Variants in COL25A1 observed in about 807,000 individuals in gnomAD.
The protein encoded by COL25A1 is collagen type XXV alpha 1 chain, also known as collagen alpha-1(XXV) chain.
A neutral mutation model predicts 128.4 loss-of-function variants in COL25A1; 103 were observed. That is an observed-to-expected ratio of 0.80 (90% CI 0.68 to 0.94). The LOEUF (loss-of-function observed/expected upper bound fraction) is 0.94, where lower values mean the gene tolerates loss of function less well. COL25A1 is among the 40% of genes least tolerant of loss of function. The pLI is 0.00. For synonymous variants in COL25A1, 279 were observed against 277.2 expected, an observed-to-expected ratio of 1.01 and a Z score of -0.06; for missense variants, 745 against 840.0, an observed-to-expected ratio of 0.89 and a Z score of 1.40.
intron 8 of COL25A1, among the ~76,000 whole-genome samples, chr4:108,966,110 G>A (rs553657520): frequency 2.0e-5 from 3 of 152,110 alleles, no homozygotes; most frequent in Non-Finnish European, 2.9e-5. Flanking sequence ...TCCTTGGAGG[G>A]GGGCCAACAT....
intron 3 of COL25A1, among the ~76,000 whole-genome samples, chr4:109,243,311 T>G (rs764997842): frequency 6.6e-6 from 1 of 151,982 alleles, no homozygotes; most frequent in Non-Finnish European, 1.5e-5. Flanking sequence ...AATGGTTCTG[T>G]AAACTTGGAA....
intron 3 of COL25A1, among the ~76,000 whole-genome samples, chr4:109,066,468 A>G (rs1762457340): frequency 6.6e-6 from 1 of 152,214 alleles, no homozygotes; most frequent in Non-Finnish European, 1.5e-5. Flanking sequence ...CTCCATCATC[A>G]TTACAGCACA....
At chr4:109,135,024 CAAAAAAA>C (rs574984369) in intron 3 of COL25A1, among the ~76,000 whole-genome samples, 10 of 100,730 alleles carry the variant, frequency 9.9e-5, no homozygotes, top group African/African-American at 2.3e-4. Context: ...ACTTTTCTGT[CAAAAAAA>C]AAAAAAAAAA....
At chr4:108,880,535 A>G (rs1739993379) in intron 19 of COL25A1, among the ~76,000 whole-genome samples, 1 of 152,258 alleles carries the variant, frequency 6.6e-6, no homozygotes. Flanking sequence ...CCCAAAAGAA[A>G]GAGATAACAA....
intron 3 of COL25A1, among the ~76,000 whole-genome samples, chr4:109,286,470 GTT>G (rs1723901971): frequency 6.6e-6 from 1 of 152,084 alleles, no homozygotes; most frequent in Non-Finnish European, 1.5e-5. Flanking sequence ...TATCCTGACT[GTT>G]CTGACTACCC....
chr4:108,974,408 G>T lies in COL25A1; in HGVS notation c.466-15C>A. 6.2e-7 allele frequency: 1 copy of T among 1,613,722 alleles called. No individual in the cohort carries two copies. The highest frequency in any genetic ancestry group is 8.5e-7 in the Non-Finnish European group (1 of 1,179,806). On this transcript the variant is annotated splice_polypyrimidine_tract_variant and intron_variant, in intron 7 of 37. Coordinates refer to ENST00000399132, the MANE Select transcript of COL25A1 (RefSeq NM_198721.4). ...CCTTGTTCTCCCTGTAGAATAGAAA[G>T]GTGAGATAACAGTTTTAGCCAAAAT... is the stretch of plus-strand genomic sequence containing the variant.
intron 31 of COL25A1, chr4:108,834,205 T>G (rs1242851267): frequency 1.3e-6 from 1 of 749,212 alleles, no homozygotes; most frequent in East Asian, 2.8e-5. Context: ...TTCCCCCTTT[T>G]GCCGCCATCT....
intron 24 of COL25A1, among the ~76,000 whole-genome samples, chr4:108,855,193 T>TTTG (rs1349909417): frequency 3.1e-4 from 41 of 132,502 alleles, no homozygotes; most frequent in Middle Eastern, 3.4e-3. Flanking sequence ...TTGTTACTGT[T>TTTG]TTTTTTTTTT....
intron 8 of COL25A1, among the ~76,000 whole-genome samples, chr4:108,962,323 G>A (rs1750816908): frequency 6.6e-6 from 1 of 152,022 alleles, no homozygotes; most frequent in African/African-American, 2.4e-5. Context: ...AAGTAGCTGG[G>A]ACTATAGGCG....
Position 109,020,666 on chromosome 4 carries a change from A to G in COL25A1, c.421-10291T>C, listed in dbSNP as rs1264024617. Reference sequence around the variant, plus strand: ...TAATTTTAAAATATTATATTTTCTAACACAATACCATATTTATTTTTTCTC... The same window carrying G: ...TAATTTTAAAATATTATATTTTCTAGCACAATACCATATTTATTTTTTCTC... On this transcript the variant is annotated intron_variant, in intron 5 of 37. Coordinates refer to ENST00000399132, the MANE Select transcript of COL25A1 (RefSeq NM_198721.4). Among the ~76,000 whole-genome samples the G allele has an allele frequency of 9.7e-4, 147 of 152,314 alleles. 1 individual carries two copies. Among genetic ancestry groups the G allele is most frequent in the Non-Finnish European group, 8.8e-5 (6 of 68,016 alleles).
intron 35 of COL25A1, among the ~76,000 whole-genome samples, chr4:108,821,265 C>T (rs543133533): frequency 6.6e-5 from 10 of 152,082 alleles, no homozygotes; most frequent in Non-Finnish European, 1.3e-4. Context: ...GAATATGGGG[C>T]AAAGAGACAT....
At chr4:108,983,310 C>T (rs1490314822) in intron 6 of COL25A1, among the ~76,000 whole-genome samples, 3 of 152,020 alleles carry the variant, frequency 2.0e-5, no homozygotes, top group Non-Finnish European at 4.4e-5. Context: ...CCCTAGTAGC[C>T]CTGTGATTTT....
In COL25A1 at chr4:109,139,588, C is replaced by T. The variant is rs1478818993; in HGVS notation, c.368-89409G>A. ...ATTTATTAAATATGGAATCTTTTCCCTGTTGCTTGTTTTTGTCAGGTTTCT... is the reference window on the plus strand; with the variant it reads ...ATTTATTAAATATGGAATCTTTTCCTTGTTGCTTGTTTTTGTCAGGTTTCT... On this transcript the variant is annotated intron_variant, in intron 3 of 37. Transcript: ENST00000399132. 2.0e-5 allele frequency among the ~76,000 whole-genome samples: 3 copies of T among 152,068 alleles called. No individual in the cohort carries two copies. The South Asian group carries it at 6.2e-4, about 32-fold the overall frequency.
At chr4:108,983,153 T>C (rs567806793) in intron 6 of COL25A1, among the ~76,000 whole-genome samples, 8 of 152,310 alleles carry the variant, frequency 5.3e-5, no homozygotes, top group African/African-American at 1.7e-4. Flanking sequence ...TCACATGTTT[T>C]AAGAAATTGC....
At chr4:109,026,274 T>TA (rs1333460080) in intron 5 of COL25A1, among the ~76,000 whole-genome samples, 5 of 151,594 alleles carry the variant, frequency 3.3e-5, no homozygotes, top group East Asian at 3.9e-4. Flanking sequence ...AAACTGAGGA[T>TA]AAAAAAAACC....
intron 8 of COL25A1, among the ~76,000 whole-genome samples, chr4:108,970,307 C>G (rs57546556): frequency 1.3e-5 from 2 of 152,162 alleles, no homozygotes; most frequent in African/African-American, 4.8e-5. Flanking sequence ...ATGCCTACCA[C>G]GCTAGACATT....
At chr4:108,918,604 A>G (rs1045336410) in intron 12 of COL25A1, among the ~76,000 whole-genome samples, 2 of 152,248 alleles carry the variant, frequency 1.3e-5, no homozygotes, top group Non-Finnish European at 2.9e-5. Context: ...AATACAATGA[A>G]ACAAAAGGTA....
At chr4:109,022,276 C>T in intron 5 of COL25A1, 1 of 413,124 alleles carries the variant, frequency 2.4e-6, no homozygotes, top group Admixed American at 2.7e-5. Context: ...TAGAAAGAAC[C>T]TACACTGAAA....
intron 3 of COL25A1, among the ~76,000 whole-genome samples, chr4:109,141,964 G>T (rs1266061981): frequency 6.6e-6 from 1 of 151,966 alleles, no homozygotes; most frequent in Non-Finnish European, 1.5e-5. Context: ...CTTGTCTTCT[G>T]CTAGCTTTTG....
Sources: allele counts gnomAD v4.1 joint callset (sites outside exome capture counted in the v4.1 genomes callset), GRCh38; gene constraint gnomAD v4.1.1; transcripts MANE v1.5; gene names NCBI Gene and HGNC (gene_info 2026-07-23, HGNC 2026-07-21).